Variants in WFS1 observed in about 807,000 individuals in gnomAD.
The protein encoded by WFS1 is wolframin ER transmembrane glycoprotein, also known as wolframin.
WFS1 carries 90 observed loss-of-function variants against 68.5 expected under a neutral mutation model. That is an observed-to-expected ratio of 1.31 (90% CI 1.11 to 1.56). WFS1 has a LOEUF of 1.56. WFS1 is among the 40% of genes most tolerant of loss of function. The pLI is 0.00. For missense variants in WFS1, 1,767 were observed against 1,232.6 expected, an observed-to-expected ratio of 1.43 and a Z score of -6.49; for synonymous variants, 860 against 540.7, an observed-to-expected ratio of 1.59 and a Z score of -8.19.
intron 7 of WFS1, among the ~76,000 whole-genome samples, 183 bp from the exon 8 acceptor site, chr4:6,300,474 C>T (rs916349248): frequency 9.3e-5 from 14 of 151,256 alleles, no homozygotes; most frequent in African/African-American, 2.4e-4. Flanking sequence ...ACAGGGACCG[C>T]GAGCATGGGG....
chr4:6,274,439 A>G (rs1305103888), intron 1 of WFS1, among the ~76,000 whole-genome samples: 2 of 151,732 alleles, frequency 1.3e-5, no homozygotes, highest in Non-Finnish European at 2.9e-5. Flanking sequence ...TGCTATCCCC[A>G]TTTTACATAT....
Position 6,291,923 on chromosome 4 carries a change from G to A in WFS1, c.638G>A (p.Gly213Glu), listed in dbSNP as rs767957602. The change falls in exon 6 of 8, where the codon GGG (glycine) becomes GAG (glutamate). Residue 213 changes from glycine (G) to glutamate (E), a missense_variant. Coordinates refer to ENST00000226760, the MANE Select transcript of WFS1 (RefSeq NM_006005.3). ...TCCACCCTGTCCCCTGCAGATGGAGGGGCGCAGCCAGGCCCCGTGCCCAAG... is the reference window on the plus strand; with the variant it reads ...TCCACCCTGTCCCCTGCAGATGGAGAGGCGCAGCCAGGCCCCGTGCCCAAG... ...NVGQVNEHDGGAQPGPVPKSL... is the reference protein window; with the variant it reads ...NVGQVNEHDGEAQPGPVPKSL... 15 of 1,610,182 alleles carry A rather than the reference G, an allele frequency of 9.3e-6. No individual in the cohort carries two copies. The Admixed American group carries it at 2.5e-4, about 27-fold the overall frequency.
chr4:6,282,304 C>T (rs373738269), intron 2 of WFS1, among the ~76,000 whole-genome samples: 155 of 152,340 alleles, frequency 1.0e-3, no homozygotes, highest in Middle Eastern at 6.8e-3. Flanking sequence ...GGGGATGCGC[C>T]GGTGGTGCAA....
intron 3 of WFS1, 37 bp from the exon 4 acceptor site, chr4:6,288,950 C>A (rs4688990): frequency 2.7e-5 from 43 of 1,599,572 alleles, no homozygotes; most frequent in Non-Finnish European, 3.6e-5. Context: ...GGGAGAGGGT[C>A]GGAGAATCTG....
In WFS1 at chr4:6,287,997, A is replaced by G. The variant is rs1470983534; in HGVS notation, c.315+822A>G. On this transcript the variant is annotated intron_variant, in intron 3 of 7. Transcript: ENST00000226760. This position sits in a 1 kb window ranked among gnomAD's most constrained non-coding sequence, Gnocchi z 6.4. ...TTTGGGAGGCTGAGGCGGGTGGATC[A>G]CCTGAGGTCAGGAGTTCGTGACCAG... 6.6e-6 allele frequency among the ~76,000 whole-genome samples: 1 copy of G among 152,128 alleles called. No homozygotes were observed. The highest frequency in any genetic ancestry group is 1.5e-5 in the Non-Finnish European group (1 of 68,028).
intron 1 of WFS1, among the ~76,000 whole-genome samples, chr4:6,270,914 G>A (rs1729819658): frequency 6.6e-6 from 1 of 152,218 alleles, no homozygotes; most frequent in South Asian, 2.1e-4. Flanking sequence ...GGACCACGAA[G>A]CTGATGGGGC....
At chr4:6,282,972 G>C (rs1170770666) in intron 2 of WFS1, among the ~76,000 whole-genome samples, 7 of 152,236 alleles carry the variant, frequency 4.6e-5, no homozygotes, top group Non-Finnish European at 7.3e-5. Flanking sequence ...CGTAGTGGAA[G>C]CTGGTGGCGA....
chr4:6,297,584 C>T (rs535457458), intron 7 of WFS1, among the ~76,000 whole-genome samples: 21 of 152,286 alleles, frequency 1.4e-4, no homozygotes, highest in African/African-American at 4.3e-4. Context: ...AATCTCGTCT[C>T]GGCTCCCTTC....
rs1446966904 is a variant in WFS1, at chr4:6,277,373, T to G, written c.-5-78T>G. 2.1e-6 allele frequency: 3 copies of G among 1,403,108 alleles called. No homozygotes were observed. The African/African-American group carries it at 4.3e-5, about 20-fold the overall frequency. 86.9% of individuals were successfully genotyped at this position (1,403,108 alleles called of 1,614,324 possible). On this transcript the variant is annotated intron_variant, in intron 1 of 7. Transcript: ENST00000226760. ...AGCTCCCACCTGCCTCCCTCTGCTT[T>G]TCTGTCTCCAGCAGACACTAAGTGC...
At chr4:6,280,056 G>C (rs536674871) in intron 2 of WFS1, among the ~76,000 whole-genome samples, 28 of 152,326 alleles carry the variant, frequency 1.8e-4, no homozygotes, top group African/African-American at 6.5e-4. Context: ...AAGCTCAGGG[G>C]CTCCTGGGCC....
In WFS1 at chr4:6,302,209, G is replaced by A. The variant is rs140667597; in HGVS notation, c.2414G>A (p.Arg805Gln). 3.9e-5 allele frequency: 63 copies of A among 1,610,968 alleles called. No homozygotes were observed. Among genetic ancestry groups the A allele is most frequent in the Admixed American group, 1.2e-4 (7 of 59,970 alleles). Residue 805 changes from arginine to glutamine, a missense_variant, in exon 8 of 8, where the codon CGG (arginine) becomes CAG (glutamine). Transcript: ENST00000226760. ...EDDVTKDIVL[R>Q]ASSEFKSVLL... ...GACGTCACCAAGGACATCGTGCTGC[G>A]GGCCAGCAGCGAGTTCAAGAGCGTG...
chr4:6,301,958 C>T lies in WFS1; in HGVS notation c.2163C>T (p.Asn721=). The T allele has an allele frequency of 1.2e-6, 2 of 1,612,846 alleles. No individual in the cohort carries two copies. Among genetic ancestry groups the T allele is most frequent in the East Asian group, 2.2e-5 (1 of 44,878 alleles). The part of the protein sequence containing the change: ...DIDNSAESAI[N]MLPFFIGDWM... Reference sequence around the variant, plus strand: ...ACAACAGCGCCGAGTCTGCCATCAACATGCTCCCGTTCTTCATCGGCGACT... The same window carrying T: ...ACAACAGCGCCGAGTCTGCCATCAATATGCTCCCGTTCTTCATCGGCGACT... Residue 721 remains asparagine, a synonymous_variant, in exon 8 of 8, where the codon AAC becomes AAT. Coordinates refer to ENST00000226760, the MANE Select transcript of WFS1 (RefSeq NM_006005.3).
chr4:6,270,350 C>A (rs886717833), intron 1 of WFS1, among the ~76,000 whole-genome samples: 1 of 151,318 alleles, frequency 6.6e-6, no homozygotes, highest in Admixed American at 6.6e-5. Flanking sequence ...CCCCGCGCCC[C>A]GCGCCATCCC....
At chr4:6,295,820 T>C (rs951598172) in intron 7 of WFS1, among the ~76,000 whole-genome samples, 2 of 152,188 alleles carry the variant, frequency 1.3e-5, no homozygotes, top group African/African-American at 4.8e-5. Flanking sequence ...CCTGACAGCT[T>C]GTTTTCTTGG....
intron 2 of WFS1, among the ~76,000 whole-genome samples, chr4:6,279,567 C>T (rs1226619966): frequency 5.9e-5 from 9 of 152,166 alleles, no homozygotes; most frequent in African/African-American, 2.2e-4. Flanking sequence ...AGCAGGTTGG[C>T]CTGTCCCTAG....
Position 6,287,079 on chromosome 4 carries a change from C to A in WFS1, c.233-14C>A, listed in dbSNP as rs1255455184. 1 of 1,553,582 alleles carries A rather than the reference C, an allele frequency of 6.4e-7. No individual in the cohort carries two copies. Among genetic ancestry groups the A allele is most frequent in the African/African-American group, 1.4e-5 (1 of 73,538 alleles). On this transcript the variant is annotated splice_polypyrimidine_tract_variant and intron_variant, in intron 2 of 7. Transcript: ENST00000226760. The surrounding 1 kb of genome is among the most constrained non-coding windows in gnomAD (Gnocchi z 6.4). ...GGCTTTGTGACATGTGTGTTTGTTTCTTCTGTGTTAAAGGGCCTACAAAGG... is the reference window on the plus strand; with the variant it reads ...GGCTTTGTGACATGTGTGTTTGTTTATTCTGTGTTAAAGGGCCTACAAAGG...
Position 6,301,140 on chromosome 4 carries a change from A to T in WFS1, c.1345A>T (p.Thr449Ser). 6.2e-7 allele frequency: 1 copy of T among 1,613,010 alleles called. No homozygotes were observed. The highest frequency in any genetic ancestry group is 1.1e-5 in the South Asian group (1 of 91,046). ...CGTGACCAGCTACCTGAGCCTGAGCACCCATGCAGAGCCCTACACGCGCAG... is the reference window on the plus strand; with the variant it reads ...CGTGACCAGCTACCTGAGCCTGAGCTCCCATGCAGAGCCCTACACGCGCAG... Reference protein sequence around the residue: ...FTVTSYLSLSTHAEPYTRRAL... With the variant: ...FTVTSYLSLSSHAEPYTRRAL... The change falls in exon 8 of 8, where the codon ACC becomes TCC. Residue 449 changes from threonine to serine, a missense_variant. Thr to Ser is a moderately conservative substitution (Grantham distance 58). Transcript: ENST00000226760.
At chr4:6,299,619 CGT>C (rs147141787) in intron 7 of WFS1, among the ~76,000 whole-genome samples, 1 of 21,652 alleles carries the variant, frequency 4.6e-5, no homozygotes, top group Non-Finnish European at 7.4e-5. Flanking sequence ...AGGTAGGTTG[CGT>C]GTGTGTGTAG....
chr4:6,272,999 G>A (rs1238638964), intron 1 of WFS1, among the ~76,000 whole-genome samples: 2 of 152,212 alleles, frequency 1.3e-5, no homozygotes, highest in East Asian at 1.9e-4. Context: ...TGTGAGCCCC[G>A]AGGGCATCTC....
Sources: gnomAD v4.1 joint callset for allele counts (sites outside exome capture counted in the v4.1 genomes callset) on GRCh38, gnomAD v4.1.1 for gene constraint, Gnocchi (gnomAD v3.1) non-coding constraint, MANE v1.5 for transcripts, NCBI Gene and HGNC (gene_info 2026-07-23, HGNC 2026-07-21) for gene names.